SLC25A21: variants seen among roughly 807,000 people sequenced by gnomAD.
SLC25A21 encodes the protein solute carrier family 25 member 21.
SLC25A21 carries 47 observed loss-of-function variants against 43.8 expected under a neutral mutation model. The observed-to-expected ratio is 1.07, with a 90% CI of 0.85 to 1.37. The LOEUF is 1.37. SLC25A21 is among the 40% of genes most tolerant of loss of function. The pLI is 0.00. For synonymous variants in SLC25A21, 131 were observed against 121.3 expected (o/e 1.08, Z -0.52); for missense variants, 352 against 350.2 (o/e 1.00, Z -0.04).
chr14:36,777,574 G>A (rs1886884690), intron 3 of SLC25A21, among the ~76,000 whole-genome samples: 1 of 152,184 alleles, frequency 6.6e-6, no homozygotes, highest in South Asian at 2.1e-4. Flanking sequence ...AAGAAACACA[G>A]AGGAGAAGGC....
chr14:37,065,091 G>T (rs1566855015), intron 1 of SLC25A21, among the ~76,000 whole-genome samples: 1 of 152,182 alleles, frequency 6.6e-6, no homozygotes, highest in Non-Finnish European at 1.5e-5. Context: ...ATATGTATAT[G>T]CTGGGACCAA....
chr14:36,747,633 G>A (rs1436570471), intron 3 of SLC25A21, among the ~76,000 whole-genome samples: 1 of 152,158 alleles, frequency 6.6e-6, no homozygotes, highest in African/African-American at 2.4e-5. Context: ...ATTCATACAC[G>A]TTTGAAGCCA....
intron 1 of SLC25A21, among the ~76,000 whole-genome samples, chr14:36,913,360 G>A (rs577241404): frequency 1.3e-5 from 2 of 152,246 alleles, no homozygotes; most frequent in South Asian, 4.1e-4. Context: ...ATGATCATGG[G>A]TCACTGCAAC....
At chr14:37,011,709 T>C (rs1960737261) in intron 1 of SLC25A21, among the ~76,000 whole-genome samples, 1 of 152,198 alleles carries the variant, frequency 6.6e-6, no homozygotes, top group African/African-American at 2.4e-5. Context: ...AAGCATTTGA[T>C]ATATAGGAAT....
intron 3 of SLC25A21, among the ~76,000 whole-genome samples, chr14:36,806,058 T>A (rs1429126909): frequency 7.0e-6 from 1 of 142,740 alleles, no homozygotes; most frequent in Non-Finnish European, 1.5e-5. Flanking sequence ...CTACTAAAGA[T>A]ATAAAAAATT....
At chr14:37,062,186 A>T (rs1046418601) in intron 1 of SLC25A21, among the ~76,000 whole-genome samples, 1 of 152,256 alleles carries the variant, frequency 6.6e-6, no homozygotes, top group Non-Finnish European at 1.5e-5. Context: ...TGGATTAAGC[A>T]AATCCAATTG....
rs1054129260 is a variant in SLC25A21 at position 37,019,653 on chromosome 14, A to AAAAAAAAT, written c.71-144650_71-144649insATTTTTTT. Among the ~76,000 whole-genome samples the AAAAAAAAT allele has an allele frequency of 1.4e-3, 74 of 53,824 alleles. No homozygotes were observed. The African/African-American group carries it at 0.022, about 16-fold the overall frequency. The allele number at this position is 53,824 out of a possible 152,430, so 35.3% of individuals were successfully genotyped here. Reference sequence around the variant, plus strand: ...ATTCCAGGTCAAGGAGACAACTGGTAAAAAAAAATTAAAAAAGTGTGTAAG... The same window carrying AAAAAAAAT: ...ATTCCAGGTCAAGGAGACAACTGGTAAAAAAAATAAAAAAAATTAAAAAAGTGTGTAAG... On this transcript the variant is annotated intron_variant, in intron 1 of 9. Transcript: ENST00000331299.
chr14:36,978,082 T>C (rs1959923805), intron 1 of SLC25A21, among the ~76,000 whole-genome samples: 1 of 152,182 alleles, frequency 6.6e-6, no homozygotes, highest in South Asian at 2.1e-4. Flanking sequence ...TATAAAGTGC[T>C]ATTAATATAT....
At chr14:36,730,656 A>G (rs949460479) in intron 4 of SLC25A21, among the ~76,000 whole-genome samples, 3 of 152,182 alleles carry the variant, frequency 2.0e-5, no homozygotes, top group Admixed American at 6.5e-5. Context: ...ATTCTTTTCA[A>G]CACTCAGGAA....
chr14:36,965,585 A>G (rs1959595196), intron 1 of SLC25A21, among the ~76,000 whole-genome samples: 1 of 152,186 alleles, frequency 6.6e-6, no homozygotes, highest in Non-Finnish European at 1.5e-5. Context: ...ATGTAGACAT[A>G]CTTTCCAAAT....
At chr14:36,895,280 T>C (rs945895915) in intron 1 of SLC25A21, among the ~76,000 whole-genome samples, 3 of 152,246 alleles carry the variant, frequency 2.0e-5, no homozygotes, top group Admixed American at 6.5e-5. Context: ...AGGGTGTATG[T>C]GTCAAGGAAT....
At chr14:37,085,928 A>G (rs1361487707) in intron 1 of SLC25A21, among the ~76,000 whole-genome samples, 1 of 152,022 alleles carries the variant, frequency 6.6e-6, no homozygotes, top group African/African-American at 2.4e-5. Context: ...ACACGGTGAA[A>G]CCCCATCTCT....
chr14:37,033,077 C>A (rs1961254208), intron 1 of SLC25A21, among the ~76,000 whole-genome samples: 1 of 152,118 alleles, frequency 6.6e-6, no homozygotes, highest in South Asian at 2.1e-4. Flanking sequence ...ATCTACAGAA[C>A]CTTTTCATCT....
At chr14:36,690,054 C>T (rs905368281) in intron 7 of SLC25A21, among the ~76,000 whole-genome samples, 1 of 152,198 alleles carries the variant, frequency 6.6e-6, no homozygotes, top group South Asian at 2.1e-4. Context: ...TTAGCTCAGT[C>T]CAAAGCCAGA....
At chr14:36,773,445 T>A (rs1278555409) in intron 3 of SLC25A21, among the ~76,000 whole-genome samples, 1 of 152,246 alleles carries the variant, frequency 6.6e-6, no homozygotes, top group Non-Finnish European at 1.5e-5. Flanking sequence ...CAGATTTCTT[T>A]GGTCTCAGAG....
intron 7 of SLC25A21, among the ~76,000 whole-genome samples, chr14:36,702,111 T>C (rs192722219): frequency 1.8e-4 from 28 of 152,286 alleles, no homozygotes; most frequent in Admixed American, 1.8e-3. Flanking sequence ...GTTGCCTTTA[T>C]ATTATGTGCC....
At chr14:36,953,762 T>C (rs1959252005) in intron 1 of SLC25A21, among the ~76,000 whole-genome samples, 1 of 152,172 alleles carries the variant, frequency 6.6e-6, no homozygotes, top group African/African-American at 2.4e-5. Flanking sequence ...ACTTCGGAAA[T>C]TATCATCACA....
At chr14:36,727,428 C>T (rs899103243) in intron 5 of SLC25A21, among the ~76,000 whole-genome samples, 2 of 152,366 alleles carry the variant, frequency 1.3e-5, no homozygotes, top group African/African-American at 2.4e-5. Context: ...TGGCTCACGC[C>T]TGTAATCCCA....
intron 1 of SLC25A21, among the ~76,000 whole-genome samples, chr14:37,019,861 AAAAG>A (rs980975204): frequency 1.3e-5 from 2 of 151,842 alleles, no homozygotes; most frequent in African/African-American, 4.8e-5. Flanking sequence ...TTTTTTTAAA[AAAAG>A]AGTGAAATTA....
Sources: gnomAD v4.1 joint callset for allele counts (sites outside exome capture counted in the v4.1 genomes callset) on GRCh38, gnomAD v4.1.1 for gene constraint, MANE v1.5 for transcripts, NCBI Gene and HGNC (gene_info 2026-07-23, HGNC 2026-07-21) for gene names.